Variants in DENND2A observed in about 807,000 individuals in gnomAD.
DENND2A encodes DENN domain containing 2A.
Under a neutral mutation model 105.3 loss-of-function variants are expected in DENND2A, and 53 were observed. The ratio of observed to expected loss-of-function variants is 0.50; its 90% CI spans 0.40 to 0.63. DENND2A has a LOEUF of 0.63. Ranked by LOEUF, DENND2A falls within the 30% of genes least tolerant of loss-of-function variation. The pLI is 0.00. For missense variants in DENND2A, 1,138 were observed against 1,279.6 expected (o/e 0.89, Z 1.69); for synonymous variants, 522 against 508.4 (o/e 1.03, Z -0.36).
chr7:140,562,409 C>A (rs1425405165), intron 9 of DENND2A, among the ~76,000 whole-genome samples: 1 of 152,070 alleles, frequency 6.6e-6, no homozygotes, highest in East Asian at 2.0e-4. Context: ...CGCCTGTAAT[C>A]CCAGCACTTT....
chr7:140,577,641 G>C, intron 5 of DENND2A, among the ~76,000 whole-genome samples: 1 of 152,040 alleles, frequency 6.6e-6, no homozygotes, highest in Non-Finnish European at 1.5e-5. Context: ...TAGGTGATCT[G>C]CCTACTGTGG....
intron 14 of DENND2A, among the ~76,000 whole-genome samples, chr7:140,536,739 A>C (rs1796468460): frequency 6.6e-6 from 1 of 152,026 alleles, no homozygotes; most frequent in Non-Finnish European, 1.5e-5. Flanking sequence ...ATCTTGGCTT[A>C]CTGCAGCCTC....
chr7:140,601,309 C>A, intron 3 of DENND2A, 94 bp downstream of exon 3: 1 of 1,471,554 alleles, frequency 6.8e-7, no homozygotes. Flanking sequence ...TTTAATAAAA[C>A]AAATAATTCA....
intron 8 of DENND2A, 31 bp from the exon 9 acceptor site, chr7:140,567,304 AAGAGAGAGAGAGAGAGAG>A (rs60964847): frequency 2.1e-5 from 14 of 659,822 alleles, no homozygotes; most frequent in East Asian, 3.3e-5. Context: ...GAAAGAGAGA[AAGAGAGAGAGAGAGAGAG>A]AGAGAGAGAG....
At chr7:140,612,451 G>A (rs544146174) in intron 1 of DENND2A, among the ~76,000 whole-genome samples, 1 of 151,790 alleles carries the variant, frequency 6.6e-6, no homozygotes, top group African/African-American at 2.4e-5. Flanking sequence ...TGAAGCATAA[G>A]TAAATATGTA....
chr7:140,601,745 T>C lies in DENND2A; in HGVS notation c.653A>G (p.His218Arg), dbSNP rs906148441. The C allele has an allele frequency of 6.2e-7, 1 of 1,613,632 alleles. No individual in the cohort carries two copies. Among genetic ancestry groups the C allele is most frequent in the Non-Finnish European group, 8.5e-7 (1 of 1,179,946 alleles). ...CTCCCTGCCTTCCAGGTCCGAGGGGTGGACCCTCTGGCTGACTTCTGAGCC... is the reference window on the plus strand; with the variant it reads ...CTCCCTGCCTTCCAGGTCCGAGGGGCGGACCCTCTGGCTGACTTCTGAGCC... ...GSGSEVSQRV[H>R]PSDLEGREPT... is the part of the protein sequence containing the mutation. Residue 218 changes from histidine (H) to arginine (R), a missense_variant, in exon 3 of 20, where the codon CAC becomes CGC. Physicochemically the swap from His to Arg is conservative, Grantham distance 29 (BLOSUM62 0). Coordinates refer to ENST00000496613, the MANE Select transcript of DENND2A (RefSeq NM_015689.5).
At chr7:140,555,452 A>G (rs1006455834) in intron 12 of DENND2A, among the ~76,000 whole-genome samples, 184 bp downstream of exon 12, 10 of 151,850 alleles carry the variant, frequency 6.6e-5, no homozygotes, top group African/African-American at 2.4e-4. Flanking sequence ...GGGCCTATCA[A>G]CTCTCATTTC....
At chr7:140,592,256 G>T (rs1424109418) in intron 3 of DENND2A, among the ~76,000 whole-genome samples, 2 of 150,440 alleles carry the variant, frequency 1.3e-5, no homozygotes, top group African/African-American at 4.9e-5. Flanking sequence ...GCCCAGACTG[G>T]AGTGCAGTGG....
intron 14 of DENND2A, among the ~76,000 whole-genome samples, chr7:140,542,828 A>C (rs536806934): frequency 6.6e-6 from 1 of 152,018 alleles, no homozygotes; most frequent in South Asian, 2.1e-4. Context: ...GGCCTCCCAA[A>C]GTGCTGGGAT....
intron 5 of DENND2A, among the ~76,000 whole-genome samples, chr7:140,579,888 T>TCG (rs1798464693): frequency 6.6e-6 from 1 of 152,084 alleles, no homozygotes; most frequent in Admixed American, 6.6e-5. Flanking sequence ...TCCAAGCACT[T>TCG]TGGGAGGCAA....
At chr7:140,561,498 C>CT (rs536896244) in intron 9 of DENND2A, among the ~76,000 whole-genome samples, 1,142 of 102,502 alleles carry the variant, frequency 0.011, 19 homozygotes, top group South Asian at 0.05. Context: ...TTTCTGTTGT[C>CT]TTTTTTTTTT....
Position 140,602,376 on chromosome 7 carries a change from T to G in DENND2A, c.22A>C (p.Met8Leu). 1 of 1,583,336 alleles carries G rather than the reference T, an allele frequency of 6.3e-7. No homozygotes were observed. The highest frequency in any genetic ancestry group is 8.6e-7 in the Non-Finnish European group (1 of 1,168,494). Residue 8 changes from methionine (M) to leucine (L), a missense_variant, in exon 3 of 20, where the codon ATG (methionine) becomes CTG (leucine). This residue lies in a region of DENND2A where 511 missense variants were observed against 499.9 expected (regional missense o/e 1.02). Coordinates refer to ENST00000496613, the MANE Select transcript of DENND2A (RefSeq NM_015689.5). MDMFSLD[M>L]IISDPAAEAS... Reference sequence around the variant, plus strand: ...TCTGCAGCTGGGTCACTGATGATCATATCCAAGCTGAACATATCCATTCTT... The same window carrying G: ...TCTGCAGCTGGGTCACTGATGATCAGATCCAAGCTGAACATATCCATTCTT...
At chr7:140,573,636 G>A (rs893238857) in intron 6 of DENND2A, among the ~76,000 whole-genome samples, 172 bp downstream of exon 6, 1 of 152,176 alleles carries the variant, frequency 6.6e-6, no homozygotes, top group African/African-American at 2.4e-5. Context: ...AAAATGATCA[G>A]GACGAAGGTC....
At chr7:140,539,373 G>A (rs1394933024) in intron 14 of DENND2A, among the ~76,000 whole-genome samples, 2 of 152,198 alleles carry the variant, frequency 1.3e-5, no homozygotes, top group East Asian at 1.9e-4. Flanking sequence ...GAAGGCCAAA[G>A]GCTGTAAGGG....
At position 140,521,987 on chromosome 7, in the gene DENND2A, T is replaced by G. The variant is rs201125871; in HGVS notation, c.2779A>C (p.Thr927Pro). The change falls in exon 18 of 20, where the codon ACC becomes CCC. Residue 927 changes from threonine to proline, a missense_variant. Transcript: ENST00000496613. ...TTGCGGAAGGCCTCCCGCTGCAGGG[T>G]TCTCTCCTCACGCTCGCCCGACGTC... ...FLTSGEREER[T>P]LQREAFRKAV... is the part of the protein sequence containing the mutation. 5.8e-5 allele frequency: 93 copies of G among 1,614,010 alleles called. No individual in the cohort carries two copies. The highest frequency in any genetic ancestry group is 7.5e-5 in the Non-Finnish European group (88 of 1,180,008).
chr7:140,568,624 C>G, intron 8 of DENND2A, 139 bp downstream of exon 8: 2 of 803,658 alleles, frequency 2.5e-6, no homozygotes, highest in South Asian at 3.0e-5. Flanking sequence ...CCCTGTGGCC[C>G]CACTGTCTCC....
At chr7:140,594,217 C>A (rs533037959) in intron 3 of DENND2A, among the ~76,000 whole-genome samples, 32 of 152,064 alleles carry the variant, frequency 2.1e-4, no homozygotes, top group Non-Finnish European at 4.3e-4. Context: ...CTTAAACATG[C>A]AAATCTGATT....
chr7:140,531,253 T>G (rs949504523), intron 14 of DENND2A, among the ~76,000 whole-genome samples: 1 of 152,240 alleles, frequency 6.6e-6, no homozygotes, highest in Non-Finnish European at 1.5e-5. Flanking sequence ...TCTATGTTGA[T>G]GCGTGGAGCC....
chr7:140,596,864 C>T (rs532607866), intron 3 of DENND2A, among the ~76,000 whole-genome samples: 56 of 152,278 alleles, frequency 3.7e-4, no homozygotes, highest in Non-Finnish European at 6.3e-4. Context: ...TGTTAAATGT[C>T]GGCCTTAAGG....
Sources: gnomAD v4.1 joint callset for allele counts (sites outside exome capture counted in the v4.1 genomes callset) on GRCh38, gnomAD v4.1.1 for gene constraint, gnomAD v4.1.1 regional missense constraint, MANE v1.5 for transcripts, NCBI Gene and HGNC (gene_info 2026-07-23, HGNC 2026-07-21) for gene names.